MYO18A: variants seen among roughly 807,000 people sequenced by gnomAD.
MYO18A encodes the protein unconventional myosin-XVIIIa.
In MYO18A, 78 loss-of-function variants were observed where a neutral mutation model predicts 235.8. The observed-to-expected ratio is 0.33, with a 90% confidence interval of 0.28 to 0.40. The LOEUF is 0.40. MYO18A is among the 10% of genes least tolerant of loss of function. The pLI, the probability that MYO18A is intolerant of heterozygous loss-of-function variation, is 1.00. For synonymous variants in MYO18A, 977 were observed against 1,077.8 expected, an observed-to-expected ratio of 0.91 and a Z score of 1.83; for missense variants, 2,215 against 2,699.3, an observed-to-expected ratio of 0.82 and a Z score of 3.98.
chr17:29,074,101 C>A lies in MYO18A; in HGVS notation c.*669G>T. 2 of 1,614,044 alleles carry A rather than the reference C, an allele frequency of 1.2e-6. No individual in the cohort carries two copies. The highest frequency in any genetic ancestry group is 4.5e-5 in the East Asian group (2 of 44,864). On this transcript the variant is annotated 3_prime_UTR_variant, in exon 42 of 42. Transcript: ENST00000527372. The surrounding 1 kb of genome is among the most constrained non-coding windows in gnomAD (Gnocchi z 4.4). Reference sequence around the variant, plus strand: ...CCAGCAGCACCGGAGAGCCCCTCCGCACCTCATTCTTAAGAACCTGGACCC... The same window carrying A: ...CCAGCAGCACCGGAGAGCCCCTCCGAACCTCATTCTTAAGAACCTGGACCC...
At chr17:29,103,252 T>C (rs1324839935) in intron 21 of MYO18A, among the ~76,000 whole-genome samples, 2 of 152,198 alleles carry the variant, frequency 1.3e-5, no homozygotes, top group African/African-American at 4.8e-5. Context: ...ATCCTCTGGG[T>C]CCAGCCCTCC....
chr17:29,163,381 G>A (rs74762620), intron 2 of MYO18A, among the ~76,000 whole-genome samples: 1 of 152,336 alleles, frequency 6.6e-6, no homozygotes, highest in East Asian at 1.9e-4. Context: ...CTACCTGGGT[G>A]AGAAAAGATA....
rs143819329 is a variant in MYO18A at position 29,118,962 on chromosome 17, C to T, written c.1829+373G>A. Among the ~76,000 whole-genome samples, 3 of 152,338 alleles carry T rather than the reference C, an allele frequency of 2.0e-5. No homozygotes were observed. Among genetic ancestry groups the T allele is most frequent in the Non-Finnish European group, 4.4e-5 (3 of 68,030 alleles). The stretch of plus-strand genomic sequence containing the variant: ...GTGGATTCAAATACCAGTTCAGCCC[C>T]CTACCAGTCATGCGACAGTAGGCAA... On this transcript the variant is annotated intron_variant, in intron 8 of 41. Coordinates refer to ENST00000527372, the MANE Select transcript of MYO18A (RefSeq NM_078471.4). The surrounding 1 kb of genome is among the most constrained non-coding windows in gnomAD (Gnocchi z 4.2).
At chr17:29,104,315 G>A (rs931114478) in intron 20 of MYO18A, among the ~76,000 whole-genome samples, 2 of 152,180 alleles carry the variant, frequency 1.3e-5, no homozygotes, top group African/African-American at 2.4e-5. Flanking sequence ...AAGAGAAGAG[G>A]AGAACACGCA....
chr17:29,160,614 GT>G (rs1440224806), intron 2 of MYO18A, among the ~76,000 whole-genome samples: 1 of 152,216 alleles, frequency 6.6e-6, no homozygotes, highest in Non-Finnish European at 1.5e-5. Flanking sequence ...GCTCTGAAAG[GT>G]TTGATAACTT....
In MYO18A at chr17:29,094,457, A is replaced by G. The variant is rs559034219; in HGVS notation, c.4710+193T>C. The stretch of plus-strand genomic sequence containing the variant: ...AGCTCCATCAGATTTGTTTTTGTGG[A>G]AAGTTCCACGAGCGCGTCTTCACAC... On this transcript the variant is annotated intron_variant, in intron 30 of 41. Transcript: ENST00000527372. The G allele has an allele frequency of 4.1e-5, 26 of 637,628 alleles. No homozygotes were observed. The African/African-American group carries it at 4.2e-4, about 10-fold the overall frequency. The allele number at this position is 637,628 out of a possible 1,614,324, so 39.5% of individuals were successfully genotyped here. A position where few individuals can be genotyped will look rare whatever the true frequency, so the allele number is the denominator to read the frequency against.
chr17:29,148,917 G>A (rs1414971265), intron 2 of MYO18A, among the ~76,000 whole-genome samples: 1 of 152,202 alleles, frequency 6.6e-6, no homozygotes, highest in East Asian at 1.9e-4. Flanking sequence ...GGCACTTCCC[G>A]GGTTGGCCCA....
chr17:29,128,059 C>T (rs1598349957), intron 2 of MYO18A: 5 of 1,015,516 alleles, frequency 4.9e-6, no homozygotes, highest in Non-Finnish European at 5.9e-6. Flanking sequence ...AGGGCTTCTC[C>T]CCCTTCCCAG....
chr17:29,114,219 GCTCC>G, intron 14 of MYO18A, 122 bp from the exon 15 acceptor site: 1 of 690,668 alleles, frequency 1.4e-6, no homozygotes. Context: ...CCGTGCAGGA[GCTCC>G]CTCCATCATC....
chr17:29,116,441 T>C lies in MYO18A; in HGVS notation c.2050+3A>G, dbSNP rs1204279206. 1.2e-6 allele frequency: 2 copies of C among 1,613,956 alleles called. No homozygotes were observed. The highest frequency in any genetic ancestry group is 8.5e-7 in the Non-Finnish European group (1 of 1,179,860). The stretch of plus-strand genomic sequence containing the variant: ...GGAAAGCTAACAAGAAACAAGGTTT[T>C]ACCTTCAGCAGCTTCTGTAAGGCAA... On this transcript the variant is annotated splice_donor_region_variant and intron_variant, in intron 11 of 41. Transcript: ENST00000527372.
intron 34 of MYO18A, 143 bp downstream of exon 34, chr17:29,092,200 T>G: frequency 1.5e-6 from 1 of 647,188 alleles, no homozygotes; most frequent in Non-Finnish European, 2.7e-6. Context: ...GGAGGCCCGC[T>G]CTTCCTGCAG....
intron 15 of MYO18A, among the ~76,000 whole-genome samples, chr17:29,113,189 GTCCCCGGGGGGATAC>G (rs762968149): frequency 2.1e-4 from 32 of 152,320 alleles, no homozygotes; most frequent in Admixed American, 6.5e-4. Context: ...TTAAACATCT[GTCCCCGGGGGGATAC>G]TCACTCTTTC....
intron 21 of MYO18A, among the ~76,000 whole-genome samples, chr17:29,100,053 A>C (rs1210540337): frequency 1.3e-5 from 2 of 152,174 alleles, no homozygotes; most frequent in African/African-American, 2.4e-5. Context: ...ACCTGGGGCA[A>C]GGAAGGAAAT....
intron 2 of MYO18A, among the ~76,000 whole-genome samples, chr17:29,164,707 C>A (rs139184558): frequency 3.2e-4 from 48 of 152,328 alleles, no homozygotes; most frequent in African/African-American, 1.2e-3. Context: ...ACTTGTCCTT[C>A]GTATACTATC....
Position 29,120,681 on chromosome 17 carries a change from G to C in MYO18A, c.1663C>G (p.Arg555Gly). The C allele has an allele frequency of 3.7e-6, 6 of 1,613,968 alleles. No homozygotes were observed. The highest frequency in any genetic ancestry group is 5.1e-6 in the Non-Finnish European group (6 of 1,179,876). ...SPTIINGNATRFSQILSLDFD... is the reference protein window; with the variant it reads ...SPTIINGNATGFSQILSLDFD... ...TCCAGGGAGAGGATCTGGGAGAAGC[G>C]GGTGGCATTGCCATTAATGATGGTG... Residue 555 changes from arginine to glycine, a missense_variant, in exon 7 of 42, where the codon CGC (arginine) becomes GGC (glycine). Coordinates refer to ENST00000527372, the MANE Select transcript of MYO18A (RefSeq NM_078471.4). The surrounding 1 kb of genome is among the most constrained non-coding windows in gnomAD (Gnocchi z 4.2).
rs774928683 is a variant in MYO18A, at chr17:29,097,400, G to A, written c.4103-50C>T. 6.3e-6 allele frequency: 10 copies of A among 1,597,338 alleles called. No homozygotes were observed. The Admixed American group carries it at 1.5e-4, about 24-fold the overall frequency. On this transcript the variant is annotated intron_variant, in intron 26 of 41. Coordinates refer to ENST00000527372, the MANE Select transcript of MYO18A (RefSeq NM_078471.4). The stretch of plus-strand genomic sequence containing the variant: ...AGGATGGAGGTGCTGAGAGTCCCCA[G>A]AAGGGGCAGAGGGGAAGGAGGATGG...
At chr17:29,136,190 C>T (rs1021595897) in intron 2 of MYO18A, among the ~76,000 whole-genome samples, 2 of 145,304 alleles carry the variant, frequency 1.4e-5, no homozygotes, top group Non-Finnish European at 3.0e-5. Context: ...GATCGCAATA[C>T]TGCATGCTCC....
intron 34 of MYO18A, 142 bp downstream of exon 34, chr17:29,092,201 C>T (rs554590329): frequency 3.8e-5 from 25 of 649,726 alleles, no homozygotes; most frequent in African/African-American, 3.6e-4. Context: ...GAGGCCCGCT[C>T]TTCCTGCAGC....
chr17:29,149,074 G>A (rs995473983), intron 2 of MYO18A, among the ~76,000 whole-genome samples: 2 of 152,178 alleles, frequency 1.3e-5, no homozygotes, highest in African/African-American at 4.8e-5. Flanking sequence ...CGCTTTGCTG[G>A]GGCCGCTTTC....
Sources: allele counts gnomAD v4.1 joint callset (sites outside exome capture counted in the v4.1 genomes callset), GRCh38; gene constraint gnomAD v4.1.1; non-coding constraint Gnocchi (gnomAD v3.1); transcripts MANE v1.5; gene names NCBI Gene and HGNC (gene_info 2026-07-23, HGNC 2026-07-21).